The following NOC4L variants were observed in gnomAD, a reference collection of about 807,000 sequenced individuals.
NOC4L encodes the protein nucleolar complex protein 4 homolog.
NOC4L carries 40 observed loss-of-function variants against 62.8 expected under a neutral mutation model. The ratio of observed to expected loss-of-function variants is 0.64; its 90% confidence interval spans 0.49 to 0.83. NOC4L has a LOEUF of 0.83. Among genes scored for constraint, NOC4L ranks in the 40% least tolerant of loss-of-function variants. NOC4L has a pLI of 0.00. For missense variants in NOC4L, 927 were observed against 701.9 expected (o/e 1.32, Z -3.62); for synonymous variants, 433 against 299.8 (o/e 1.44, Z -4.59).
chr12:132,146,914 C>T (rs961960954), intron 3 of NOC4L, among the ~76,000 whole-genome samples: 4 of 152,114 alleles, frequency 2.6e-5, no homozygotes, highest in Admixed American at 6.5e-5. Context: ...CTGAGTTGGG[C>T]ACCATGCTGG....
Position 132,147,297 on chromosome 12 carries a change from C to A in NOC4L, c.362C>A (p.Ala121Glu), listed in dbSNP as rs1339454275. The change falls in exon 4 of 15, where the codon GCA becomes GAA. Residue 121 changes from alanine to glutamate, a missense_variant. By Grantham distance (107) the Ala-to-Glu change is moderately radical. Coordinates refer to ENST00000330579, the MANE Select transcript of NOC4L (RefSeq NM_024078.3). ...SFQVKELALSALLKFVQLEGA... is the reference protein window; with the variant it reads ...SFQVKELALSELLKFVQLEGA... ...CCTTCCCAGGAGCTGGCCCTCAGCG[C>A]ACTCCTGAAGTTCGTGCAGCTGGAA... The A allele has an allele frequency of 4.5e-6, 7 of 1,563,214 alleles. No homozygotes were observed. Among genetic ancestry groups the A allele is most frequent in the Non-Finnish European group, 6.1e-6 (7 of 1,154,066 alleles).
rs747258590 is a variant in NOC4L, at chr12:132,147,628, C to T, written c.454-5C>T. ...GCAGGGCTGCTCACTGGTCCTTGCCCCTAGTTGGTGGTGGGAGGCCTGCTG... is the reference window on the plus strand; with the variant it reads ...GCAGGGCTGCTCACTGGTCCTTGCCTCTAGTTGGTGGTGGGAGGCCTGCTG... On this transcript the variant is annotated splice_region_variant and splice_polypyrimidine_tract_variant and intron_variant, in intron 4 of 14. Transcript: ENST00000330579. 1.2e-5 allele frequency: 20 copies of T among 1,612,586 alleles called. No individual in the cohort carries two copies. Among genetic ancestry groups the T allele is most frequent in the Middle Eastern group, 1.6e-4 (1 of 6,062 alleles).
Position 132,147,929 on chromosome 12 carries a change from G to T in NOC4L, c.653G>T (p.Ser218Ile). 6.2e-7 allele frequency: 1 copy of T among 1,601,366 alleles called. No individual in the cohort carries two copies. The highest frequency in any genetic ancestry group is 8.5e-7 in the Non-Finnish European group (1 of 1,174,808). The stretch of plus-strand genomic sequence containing the variant: ...GCCTTCACGCTGCTGTCTGCCGTGA[G>T]CCTGCCCCGCCGGGAGCCCACCGTC... ...NNAFTLLSAVSLPRREPTVSS... is the reference protein window; with the variant it reads ...NNAFTLLSAVILPRREPTVSS... Residue 218 changes from serine (S) to isoleucine (I), a missense_variant, in exon 6 of 15, where the codon AGC becomes ATC. Ser to Ile is a moderately radical substitution (Grantham distance 142). Coordinates refer to ENST00000330579, the MANE Select transcript of NOC4L (RefSeq NM_024078.3).
At chr12:132,151,179 C>A in intron 10 of NOC4L, 79 bp from the exon 11 acceptor site, 1 of 1,436,882 alleles carries the variant, frequency 7.0e-7, no homozygotes, top group Non-Finnish European at 9.8e-7. Flanking sequence ...GAGGAAGGGG[C>A]GCCGAGTGAG....
At position 132,151,637 on chromosome 12, in the gene NOC4L, C is replaced by T. The variant is rs761335359; in HGVS notation, c.1227C>T (p.His409=). Residue 409 remains histidine, a synonymous_variant, in exon 12 of 15, where the codon CAC becomes CAT. Coordinates refer to ENST00000330579, the MANE Select transcript of NOC4L (RefSeq NM_024078.3). ...GCCGGGTCCTCGTGCACCGTCCACA[C>T]GGCCCTGGTGAGTTGCGGGGCCCTC... ...PACRVLVHRP[H]GPELDADPYD... 9 of 1,611,598 alleles carry T rather than the reference C, an allele frequency of 5.6e-6. No individual in the cohort carries two copies. Among genetic ancestry groups the T allele is most frequent in the Middle Eastern group, 1.6e-4 (1 of 6,078 alleles).
rs1047134593 is a variant in NOC4L at position 132,144,596 on chromosome 12, C to G, written c.108C>G (p.Ala36=). Residue 36 remains alanine, a synonymous_variant, in exon 1 of 15, where the codon GCC becomes GCG. Transcript: ENST00000330579. ...CCAACGCCGTGTTCGACATCCTGGCCGTGCTGCAGGTGGGCCTGGCGGCGT... is the reference window on the plus strand; with the variant it reads ...CCAACGCCGTGTTCGACATCCTGGCGGTGCTGCAGGTGGGCCTGGCGGCGT... ...SEANAVFDIL[A]VLQSEDQEEI... The G allele has an allele frequency of 6.6e-7, 1 of 1,519,682 alleles. No individual in the cohort carries two copies. Among genetic ancestry groups the G allele is most frequent in the East Asian group, 2.5e-5 (1 of 39,670 alleles). 94.1% of individuals were successfully genotyped at this position (1,519,682 alleles called of 1,614,324 possible). A position where few individuals can be genotyped will look rare whatever the true frequency, so the allele number is the denominator to read the frequency against.
At chr12:132,147,824 C>T (rs913053056) in intron 5 of NOC4L, 42 bp downstream of exon 5, 1 of 1,610,894 alleles carries the variant, frequency 6.2e-7, no homozygotes, top group Non-Finnish European at 8.5e-7. Flanking sequence ...GCTGTTGCCT[C>T]CCAGGGAGGC....
At chr12:132,146,518 T>C (rs567743979) in intron 3 of NOC4L, among the ~76,000 whole-genome samples, 19 of 152,330 alleles carry the variant, frequency 1.2e-4, no homozygotes, top group African/African-American at 4.6e-4. Context: ...GTGTTTTTAA[T>C]GTTCTGAGGA....
In NOC4L at chr12:132,152,350, C is replaced by T; in HGVS notation, c.1500C>T (p.Gly500=). The stretch of plus-strand genomic sequence containing the variant: ...CACTGGAGTTTATCCCAGCCCAGGG[C>T]CTGCTGGGACGGCCGGGTGAACTCT... The part of the protein sequence containing the change: ...PVPLEFIPAQ[G]LLGRPGELCA... The change falls in exon 15 of 15, where the codon GGC becomes GGT. Residue 500 remains glycine (G), a synonymous_variant. Transcript: ENST00000330579. The T allele has an allele frequency of 6.4e-7, 1 of 1,571,668 alleles. No homozygotes were observed. The highest frequency in any genetic ancestry group is 8.6e-7 in the Non-Finnish European group (1 of 1,157,712).
chr12:132,147,887 C>T lies in NOC4L; in HGVS notation c.611C>T (p.Pro204Leu). 6.2e-7 allele frequency: 1 copy of T among 1,609,004 alleles called. No individual in the cohort carries two copies. Among genetic ancestry groups the T allele is most frequent in the Non-Finnish European group, 8.5e-7 (1 of 1,179,086 alleles). ...RVTGQHPEVP[P>L]AFWNNAFTLL... ...TCAGGCCAGGCTCCGCAGGTGCCCC[C>T]CGCCTTTTGGAACAATGCCTTCACG... Residue 204 changes from proline (P) to leucine (L), a missense_variant, in exon 6 of 15, where the codon CCC becomes CTC. Pro to Leu is a moderately conservative substitution (Grantham distance 98). Coordinates refer to ENST00000330579, the MANE Select transcript of NOC4L (RefSeq NM_024078.3).
chr12:132,146,359 G>C (rs1247315004), intron 3 of NOC4L: 2 of 455,248 alleles, frequency 4.4e-6, no homozygotes, highest in Non-Finnish European at 8.8e-6. Flanking sequence ...GTATCGTTCA[G>C]CCGCTCGTAG....
intron 1 of NOC4L, 38 bp downstream of exon 1, chr12:132,144,643 C>T (rs1056338826): frequency 6.8e-7 from 1 of 1,463,496 alleles, no homozygotes; most frequent in Non-Finnish European, 9.0e-7. Flanking sequence ...AGTCGCGGCA[C>T]GGGAGCGGGA....
Position 132,148,756 on chromosome 12 carries a change from TCACCCCCACCTGCC to T in NOC4L, c.790-27_790-14del. ...CCGCCGGCCCCCGCCCACCCGCCCC[TCACCCCCACCTGCC>T]GGCCCCCGCCCAGCTGCCCCTCAGC... On this transcript the variant is annotated splice_polypyrimidine_tract_variant and intron_variant, in intron 8 of 14. Coordinates refer to ENST00000330579, the MANE Select transcript of NOC4L (RefSeq NM_024078.3). 1 of 256,100 alleles carries T rather than the reference TCACCCCCACCTGCC, an allele frequency of 3.9e-6. No individual in the cohort carries two copies. Among genetic ancestry groups the T allele is most frequent in the Non-Finnish European group, 4.8e-6 (1 of 207,590 alleles). The allele number at this position is 256,100 out of a possible 1,614,324, so 15.9% of individuals were successfully genotyped here. A position where few individuals can be genotyped will look rare whatever the true frequency, so the allele number is the denominator to read the frequency against.
chr12:132,147,288 C>G lies in NOC4L; in HGVS notation c.353C>G (p.Ala118Gly). The G allele has an allele frequency of 1.3e-6, 2 of 1,546,880 alleles. No individual in the cohort carries two copies. The highest frequency in any genetic ancestry group is 1.7e-6 in the Non-Finnish European group (2 of 1,146,176). The change falls in exon 4 of 15, where the codon GCC (alanine) becomes GGC (glycine). Residue 118 changes from alanine to glycine, a missense_variant. Ala to Gly is a moderately conservative substitution (Grantham distance 60). Transcript: ENST00000330579. ...GCACTGCCCCCTTCCCAGGAGCTGGCCCTCAGCGCACTCCTGAAGTTCGTG... is the reference window on the plus strand; with the variant it reads ...GCACTGCCCCCTTCCCAGGAGCTGGGCCTCAGCGCACTCCTGAAGTTCGTG... ...GHPSFQVKELALSALLKFVQL... is the reference protein window; with the variant it reads ...GHPSFQVKELGLSALLKFVQL...
chr12:132,146,409 C>A (rs561024559), intron 3 of NOC4L: 25 of 448,208 alleles, frequency 5.6e-5, no homozygotes, highest in Non-Finnish European at 9.1e-5. Context: ...TTGGCTGTTA[C>A]GAACAGCGGA....
chr12:132,147,464 G>A (rs1182960448), intron 4 of NOC4L, 76 bp downstream of exon 4: 6 of 1,469,340 alleles, frequency 4.1e-6, no homozygotes, highest in Non-Finnish European at 5.5e-6. Context: ...AGTGGGGGCG[G>A]GGCCTGCTGA....
At position 132,144,847 on chromosome 12, in the gene NOC4L, C is replaced by T. The variant is rs775689014; in HGVS notation, c.118-7C>T. ...GGCCGGGCACCCTGCCGCCGCCTCT[C>T]CTGCAGTCTGAGGACCAGGAGGAGA... On this transcript the variant is annotated splice_region_variant and splice_polypyrimidine_tract_variant and intron_variant, in intron 1 of 14. Transcript: ENST00000330579. 3.3e-5 allele frequency: 53 copies of T among 1,598,178 alleles called. No individual in the cohort carries two copies. Among genetic ancestry groups the T allele is most frequent in the Admixed American group, 1.2e-4 (7 of 56,968 alleles).
intron 3 of NOC4L, among the ~76,000 whole-genome samples, chr12:132,146,614 A>C (rs542884004): frequency 5.9e-5 from 9 of 152,176 alleles, no homozygotes; most frequent in Non-Finnish European, 1.3e-4. Flanking sequence ...CATCCTCGCC[A>C]ACACGTCTGT....
chr12:132,151,419 G>T (rs372430789), intron 11 of NOC4L, 51 bp downstream of exon 11: 1 of 1,602,076 alleles, frequency 6.2e-7, no homozygotes, highest in Non-Finnish European at 8.5e-7. Context: ...CTGCAGCCTG[G>T]GGCCAGGGGA....
Sources: allele counts gnomAD v4.1 joint callset (sites outside exome capture counted in the v4.1 genomes callset), GRCh38; gene constraint gnomAD v4.1.1; transcripts MANE v1.5; gene names NCBI Gene and HGNC (gene_info 2026-07-23, HGNC 2026-07-21).